WASL: variants seen among roughly 807,000 people sequenced by gnomAD.
The protein encoded by WASL is actin nucleation-promoting factor WASL.
Under a neutral mutation model 55.5 loss-of-function variants are expected in WASL, and 20 were observed. The observed-to-expected ratio is 0.36, with a 90% CI of 0.25 to 0.52. The LOEUF (loss-of-function observed/expected upper bound fraction) is 0.52, where lower values mean the gene tolerates loss of function less well. Ranked by LOEUF, WASL falls within the 20% of genes least tolerant of loss-of-function variation. WASL has a pLI of 0.92. For missense variants in WASL, 504 were observed against 622.5 expected (o/e 0.81, Z 2.03); for synonymous variants, 249 against 217.6 (o/e 1.14, Z -1.27).
chr7:123,695,728 A>T, intron 7 of WASL, 95 bp downstream of exon 7: 1 of 1,251,310 alleles, frequency 8.0e-7, no homozygotes, highest in Non-Finnish European at 1.1e-6. Context: ...TCAAACAGAT[A>T]CTAGAAACCA....
At chr7:123,703,063 T>A (rs1196666050) in intron 5 of WASL, among the ~76,000 whole-genome samples, 1 of 152,092 alleles carries the variant, frequency 6.6e-6, no homozygotes, top group Non-Finnish European at 1.5e-5. Context: ...TCAAGGAAAA[T>A]TTCTACTACT....
intron 7 of WASL, among the ~76,000 whole-genome samples, 185 bp from the exon 8 acceptor site, chr7:123,695,053 C>CT (rs1195902420): frequency 6.6e-6 from 1 of 151,980 alleles, no homozygotes; most frequent in Admixed American, 6.6e-5. Context: ...TTTTATTCTT[C>CT]TTTTTTGTTC....
rs1273698279 is a variant in WASL, at chr7:123,692,492, G to A, written c.1202C>T (p.Thr401Ile). Residue 401 changes from threonine (T) to isoleucine (I), a missense_variant, in exon 9 of 11, where the codon ACT becomes ATT. This residue lies in a region of WASL where 201 missense variants were observed against 206.2 expected (regional missense o/e 0.97). Coordinates refer to ENST00000223023, the MANE Select transcript of WASL (RefSeq NM_003941.4). ...AAGAGCTGCTTTGTTTCCTGCAGTA[G>A]TTGGAACCTGATGGTCCCCATCAGA... ...LPSDGDHQVP[T>I]TAGNKAALLD... 4 of 1,614,000 alleles carry A rather than the reference G, an allele frequency of 2.5e-6. No homozygotes were observed. Among genetic ancestry groups the A allele is most frequent in the Non-Finnish European group, 3.4e-6 (4 of 1,180,040 alleles).
intron 1 of WASL, among the ~76,000 whole-genome samples, chr7:123,721,650 G>T (rs1368485031): frequency 6.6e-6 from 1 of 152,206 alleles, no homozygotes; most frequent in Non-Finnish European, 1.5e-5. Flanking sequence ...TTAAGGCTGG[G>T]TGTGGTGGCT....
intron 1 of WASL, among the ~76,000 whole-genome samples, chr7:123,747,691 A>C (rs901988363): frequency 1.3e-5 from 2 of 152,200 alleles, no homozygotes; most frequent in Non-Finnish European, 2.9e-5. Context: ...AACAAACCAC[A>C]CTTCAACCCA....
chr7:123,697,288 C>T (rs1474666203), intron 5 of WASL, among the ~76,000 whole-genome samples: 2 of 152,248 alleles, frequency 1.3e-5, no homozygotes, highest in East Asian at 3.9e-4. Flanking sequence ...AGTACGCATA[C>T]ACCTTGACTA....
chr7:123,693,234 TAATAAA>T, intron 8 of WASL, among the ~76,000 whole-genome samples: 1 of 152,238 alleles, frequency 6.6e-6, no homozygotes, highest in Non-Finnish European at 1.5e-5. Context: ...GTTTACATTT[TAATAAA>T]AATAAATACC....
intron 1 of WASL, among the ~76,000 whole-genome samples, chr7:123,733,572 T>G (rs111377615): frequency 3.9e-5 from 6 of 152,134 alleles, no homozygotes; most frequent in African/African-American, 1.4e-4. Flanking sequence ...GATCTATAGA[T>G]TCAATAGAAT....
chr7:123,748,742 C>T lies in WASL; in HGVS notation c.-8G>A. On this transcript the variant is annotated 5_prime_UTR_variant, in exon 1 of 11. Coordinates refer to ENST00000223023, the MANE Select transcript of WASL (RefSeq NM_003941.4). ...CTGCTGGACGGAGCTCATGGTTTCG[C>T]CGGCGGGGTTGGGAGTCCAGGGCCG... The T allele has an allele frequency of 6.4e-7, 1 of 1,573,810 alleles. No homozygotes were observed. The highest frequency in any genetic ancestry group is 1.8e-5 in the Admixed American group (1 of 55,772).
chr7:123,700,193 AAAAAAAAAAAAAAAC>A (rs1803560522), intron 5 of WASL, among the ~76,000 whole-genome samples: 3 of 148,914 alleles, frequency 2.0e-5, no homozygotes, highest in Admixed American at 1.3e-4. Context: ...AAAAAAAAAA[AAAAAAAAAAAAAAAC>A]AACATTATTT....
At chr7:123,689,872 T>C (rs1229434522) in intron 9 of WASL, among the ~76,000 whole-genome samples, 3 of 146,668 alleles carry the variant, frequency 2.0e-5, no homozygotes, top group African/African-American at 7.5e-5. Flanking sequence ...ATATATATTT[T>C]TGAAATTCTT....
chr7:123,688,999 T>G (rs1463771346), intron 10 of WASL, 43 bp downstream of exon 10: 1 of 1,433,798 alleles, frequency 7.0e-7, no homozygotes, highest in South Asian at 1.2e-5. Context: ...ACACGCACAC[T>G]CTCTCTGTCT....
intron 2 of WASL, among the ~76,000 whole-genome samples, chr7:123,708,196 CA>C (rs1803702176): frequency 2.0e-5 from 3 of 151,888 alleles, no homozygotes; most frequent in Non-Finnish European, 4.4e-5. Context: ...ACAACAACAA[CA>C]ACAAAAGAAG....
chr7:123,739,042 T>C (rs1409282399), intron 1 of WASL, among the ~76,000 whole-genome samples: 2 of 152,220 alleles, frequency 1.3e-5, no homozygotes, highest in Non-Finnish European at 2.9e-5. Flanking sequence ...AGATCTGATG[T>C]GCTGAACTAA....
In WASL at chr7:123,748,824, G is replaced by A. The variant is rs1391030260; in HGVS notation, c.-90C>T. The A allele has an allele frequency of 5.8e-5, 67 of 1,156,722 alleles. No individual in the cohort carries two copies. The highest frequency in any genetic ancestry group is 7.7e-5 in the Non-Finnish European group (65 of 839,600). The allele number at this position is 1,156,722 out of a possible 1,614,324, so 71.7% of individuals were successfully genotyped here. A position where few individuals can be genotyped will look rare whatever the true frequency, so the allele number is the denominator to read the frequency against. On this transcript the variant is annotated 5_prime_UTR_variant, in exon 1 of 11. Coordinates refer to ENST00000223023, the MANE Select transcript of WASL (RefSeq NM_003941.4). ...CCCCTCTCGGTGACAGGGGCGGGGA[G>A]AAGTGGAGTCAGAGGCGCCACATCT...
chr7:123,710,144 A>G (rs951678881), intron 1 of WASL, among the ~76,000 whole-genome samples: 2 of 152,096 alleles, frequency 1.3e-5, no homozygotes, highest in Admixed American at 6.6e-5. Context: ...AGTTTCTATG[A>G]AAGTGATACA....
chr7:123,705,929 T>C (rs1036996161), intron 4 of WASL, among the ~76,000 whole-genome samples: 15 of 152,148 alleles, frequency 9.9e-5, no homozygotes, highest in African/African-American at 3.6e-4. Flanking sequence ...AAATTAAAAG[T>C]CAATATATAT....
At chr7:123,708,316 T>C (rs1803703773) in intron 2 of WASL, among the ~76,000 whole-genome samples, 1 of 152,136 alleles carries the variant, frequency 6.6e-6, no homozygotes. Flanking sequence ...AGACCAGAGG[T>C]GTAAAAATCT....
intron 9 of WASL, among the ~76,000 whole-genome samples, chr7:123,690,770 GAAAC>G (rs1018469981): frequency 3.3e-5 from 5 of 149,792 alleles, no homozygotes; most frequent in African/African-American, 1.2e-4. Context: ...ATGAGAGAAA[GAAAC>G]AAAGTTGGTT....
Sources: allele counts gnomAD v4.1 joint callset (sites outside exome capture counted in the v4.1 genomes callset), GRCh38; gene constraint gnomAD v4.1.1; regional missense constraint gnomAD v4.1.1; transcripts MANE v1.5; gene names NCBI Gene and HGNC (gene_info 2026-07-23, HGNC 2026-07-21).